The following CORO6 variants were observed in gnomAD, a reference collection of about 807,000 sequenced individuals.
CORO6 encodes coronin-6.
In CORO6, 43 loss-of-function variants were observed where a neutral mutation model predicts 49.0. The observed-to-expected ratio is 0.88, with a 90% CI of 0.69 to 1.13. CORO6 has a LOEUF of 1.13. CORO6 is among the 50% of genes most tolerant of loss of function. The pLI is 0.00. For synonymous variants in CORO6, 233 were observed against 256.5 expected (o/e 0.91, Z 0.88); for missense variants, 650 against 647.0 (o/e 1.00, Z -0.05).
chr17:29,619,804 A>G (rs1405544903), intron 2 of CORO6, 31 bp from the exon 3 acceptor site: 2 of 1,592,260 alleles, frequency 1.3e-6, no homozygotes, highest in African/African-American at 2.7e-5. Context: ...ATGTGGGGCT[A>G]CTCTCCTGTG....
chr17:29,619,618 T>C, intron 3 of CORO6, 33 bp downstream of exon 3: 1 of 1,608,602 alleles, frequency 6.2e-7, no homozygotes, highest in Non-Finnish European at 8.5e-7. Flanking sequence ...GCTCCCCTGC[T>C]CAACTGCCCA....
intron 5 of CORO6, chr17:29,618,376 ACAAGGAGAAAGGG>A: frequency 1.3e-5 from 17 of 1,284,936 alleles, no homozygotes; most frequent in Non-Finnish European, 1.7e-5. Flanking sequence ...CAGCGGGTCC[ACAAGGAGAAAGGG>A]CCAGCCCTCG....
chr17:29,617,147 C>A, intron 6 of CORO6, 105 bp from the exon 7 acceptor site: 3 of 1,572,328 alleles, frequency 1.9e-6, no homozygotes, highest in Admixed American at 3.6e-5. Context: ...AACCCTATGC[C>A]CCAAACCTCT....
In CORO6 at chr17:29,621,245, G is replaced by C; in HGVS notation, c.177C>G (p.Phe59Leu). The stretch of plus-strand genomic sequence containing the variant: ...TCACCTTGGCCAGAGGCAGGACGAT[G>C]AAGGCACCCCCGCCTCCAGCCTCCA... ...IIVEAGGGGAFIVLPLAKTGR... is the reference protein window; with the variant it reads ...IIVEAGGGGALIVLPLAKTGR... Residue 59 changes from phenylalanine to leucine, a missense_variant, in exon 2 of 11, where the codon TTC becomes TTG. By Grantham distance (22) the Phe-to-Leu change is conservative. Coordinates refer to ENST00000388767, the MANE Select transcript of CORO6 (RefSeq NM_032854.4). This position sits in a 1 kb window ranked among gnomAD's most constrained non-coding sequence, Gnocchi z 4.2. 1.9e-6 allele frequency: 3 copies of C among 1,614,128 alleles called. No homozygotes were observed. Among genetic ancestry groups the C allele is most frequent in the Non-Finnish European group, 2.5e-6 (3 of 1,180,050 alleles).
In CORO6 at chr17:29,615,657, G is replaced by T; in HGVS notation, c.*75C>A. The stretch of plus-strand genomic sequence containing the variant: ...GGCCCAGCCCAAGAAGGCGGGGTCC[G>T]GAGTTCGGGACTAAAAGCCGGGGCG... On this transcript the variant is annotated 3_prime_UTR_variant, in exon 11 of 11. Coordinates refer to ENST00000388767, the MANE Select transcript of CORO6 (RefSeq NM_032854.4). 2 of 1,403,884 alleles carry T rather than the reference G, an allele frequency of 1.4e-6. No homozygotes were observed. The highest frequency in any genetic ancestry group is 1.9e-6 in the Non-Finnish European group (2 of 1,075,250). 87.0% of individuals were successfully genotyped at this position (1,403,884 alleles called of 1,614,324 possible). A position where few individuals can be genotyped will look rare whatever the true frequency, so the allele number is the denominator to read the frequency against.
chr17:29,616,577 G>A lies in CORO6; in HGVS notation c.1004+125C>T. ...GCGGTGGGTCTGGCACTGAAACAGA[G>A]CTGTCTTATCCCCCCGCCCCGCTTT... On this transcript the variant is annotated intron_variant, in intron 8 of 10. Transcript: ENST00000388767. The surrounding 1 kb of genome is among the most constrained non-coding windows in gnomAD (Gnocchi z 5.6). 7.7e-7 allele frequency: 1 copy of A among 1,295,042 alleles called. No individual in the cohort carries two copies. The highest frequency in any genetic ancestry group is 1.4e-5 in the South Asian group (1 of 74,024). The allele number at this position is 1,295,042 out of a possible 1,614,324, so 80.2% of individuals were successfully genotyped here. A position where few individuals can be genotyped will look rare whatever the true frequency, so the allele number is the denominator to read the frequency against.
In CORO6 at chr17:29,619,177, G is replaced by C. The variant is rs1169484262; in HGVS notation, c.334C>G (p.Pro112Ala). ...ATGTTGCGCATGGGGGTATAGTCTG[G>C]AATCTGCCACACCTGGGTAGGAAGA... Reference protein sequence around the residue: ...DDTTIMVWQIPDYTPMRNITE... With the variant: ...DDTTIMVWQIADYTPMRNITE... Residue 112 changes from proline (P) to alanine (A), a missense_variant, in exon 4 of 11, where the codon CCA becomes GCA. By Grantham distance (27) the Pro-to-Ala change is conservative. Transcript: ENST00000388767. 6.2e-7 allele frequency: 1 copy of C among 1,613,622 alleles called. No individual in the cohort carries two copies. Among genetic ancestry groups the C allele is most frequent in the Non-Finnish European group, 8.5e-7 (1 of 1,179,922 alleles).
intron 2 of CORO6, among the ~76,000 whole-genome samples, chr17:29,620,257 A>T (rs1473478942): frequency 6.6e-6 from 1 of 152,234 alleles, no homozygotes; most frequent in Non-Finnish European, 1.5e-5. Flanking sequence ...CCTGGTGCCT[A>T]CTATCCCCAA....
chr17:29,618,241 G>C (rs2035106846), intron 5 of CORO6: 6 of 1,313,036 alleles, frequency 4.6e-6, no homozygotes, highest in Non-Finnish European at 5.8e-6. Flanking sequence ...GCTCCACGCA[G>C]ACATGCACGC....
chr17:29,621,480 G>C lies in CORO6; in HGVS notation c.-59C>G. ...AGAAATGCCTTTGGTCCTTAGTCCT[G>C]TGAGCTGCGGGAGGGAGGAGGAGTG... On this transcript the variant is annotated 5_prime_UTR_variant, in exon 2 of 11. Coordinates refer to ENST00000388767, the MANE Select transcript of CORO6 (RefSeq NM_032854.4). The surrounding 1 kb of genome is among the most constrained non-coding windows in gnomAD (Gnocchi z 4.2). The C allele has an allele frequency of 1.3e-6, 2 of 1,549,136 alleles. No homozygotes were observed. The highest frequency in any genetic ancestry group is 1.4e-5 in the African/African-American group (1 of 73,242).
intron 2 of CORO6, 114 bp from the exon 3 acceptor site, chr17:29,619,887 C>A (rs2035220208): frequency 1.1e-6 from 1 of 909,030 alleles, no homozygotes; most frequent in African/African-American, 1.6e-5. Flanking sequence ...TTTGCAGATC[C>A]CTCTCTGCAC....
chr17:29,619,905 C>A, intron 2 of CORO6, 132 bp from the exon 3 acceptor site: 1 of 724,554 alleles, frequency 1.4e-6, no homozygotes, highest in Non-Finnish European at 2.3e-6. Flanking sequence ...CACTTCTAAC[C>A]CCATCCAGTC....
rs560730542 is a variant in CORO6 at position 29,617,908 on chromosome 17, C to T, written c.634-289G>A. On this transcript the variant is annotated intron_variant, in intron 5 of 10. Coordinates refer to ENST00000388767, the MANE Select transcript of CORO6 (RefSeq NM_032854.4). ...AGAGCAGGGGTGTCTGCTGGCTCCC[C>T]GGAGTCGCAGCGAGGCTTTTCCCGA... is the stretch of plus-strand genomic sequence containing the variant. The T allele has an allele frequency of 2.1e-4, 164 of 781,196 alleles. No homozygotes were observed. The African/African-American group carries it at 2.8e-3, about 13-fold the overall frequency. 48.4% of individuals were successfully genotyped at this position (781,196 alleles called of 1,614,324 possible).
Position 29,621,599 on chromosome 17 carries a change from G to T in CORO6, c.-63-115C>A. 2 of 1,139,676 alleles carry T rather than the reference G, an allele frequency of 1.8e-6. No individual in the cohort carries two copies. Among genetic ancestry groups the T allele is most frequent in the South Asian group, 1.6e-5 (1 of 62,092 alleles). The allele number at this position is 1,139,676 out of a possible 1,614,324, so 70.6% of individuals were successfully genotyped here. ...AGAAGCAGGGAGCTTTCTTCAAGGTGGTCAAAGTATGGGAAAGTTATTTTG... is the reference window on the plus strand; with the variant it reads ...AGAAGCAGGGAGCTTTCTTCAAGGTTGTCAAAGTATGGGAAAGTTATTTTG... On this transcript the variant is annotated intron_variant, in intron 1 of 10. Coordinates refer to ENST00000388767, the MANE Select transcript of CORO6 (RefSeq NM_032854.4). The surrounding 1 kb of genome is among the most constrained non-coding windows in gnomAD (Gnocchi z 4.2).
At chr17:29,618,150 G>T (rs947988663) in intron 5 of CORO6, 11 of 1,393,752 alleles carry the variant, frequency 7.9e-6, no homozygotes, top group African/African-American at 1.5e-5. Flanking sequence ...GGGCGCCCTC[G>T]TGAGGCCGGG....
rs750651459 is a variant in CORO6 at position 29,616,140 on chromosome 17, C to G, written c.1098G>C (p.Thr366=). ...DLFQDDLYPD[T]PGPEPALEAD... ...CTTCTAGGGCCGGCTCCGGGCCTGGCGTATCCGGGTACAGATCGTCCTGGA... is the reference window on the plus strand; with the variant it reads ...CTTCTAGGGCCGGCTCCGGGCCTGGGGTATCCGGGTACAGATCGTCCTGGA... Residue 366 remains threonine (T), a synonymous_variant, in exon 10 of 11, where the codon ACG becomes ACC. Transcript: ENST00000388767. This position sits in a 1 kb window ranked among gnomAD's most constrained non-coding sequence, Gnocchi z 5.6. 2 of 1,613,478 alleles carry G rather than the reference C, an allele frequency of 1.2e-6. No homozygotes were observed. Among genetic ancestry groups the G allele is most frequent in the Non-Finnish European group, 1.7e-6 (2 of 1,179,972 alleles).
At chr17:29,617,431 G>A (rs1567806362) in intron 6 of CORO6, 69 bp downstream of exon 6, 2 of 1,555,206 alleles carry the variant, frequency 1.3e-6, no homozygotes, top group Admixed American at 3.6e-5. Flanking sequence ...CTGCGGGTGG[G>A]GGGCGCCTGG....
intron 6 of CORO6, 164 bp from the exon 7 acceptor site, chr17:29,617,206 C>T (rs1426053394): frequency 3.4e-5 from 52 of 1,538,230 alleles, no homozygotes; most frequent in Non-Finnish European, 4.4e-5. Context: ...CTCCTCCTCC[C>T]CTGCGCACAT....
rs1400138721 is a variant in CORO6, at chr17:29,615,669, T to TA, written c.*62dup. 1.3e-5 allele frequency: 18 copies of TA among 1,429,202 alleles called. No homozygotes were observed. Among genetic ancestry groups the TA allele is most frequent in the Non-Finnish European group, 1.6e-5 (17 of 1,094,600 alleles). 88.5% of individuals were successfully genotyped at this position (1,429,202 alleles called of 1,614,324 possible). A position where few individuals can be genotyped will look rare whatever the true frequency, so the allele number is the denominator to read the frequency against. ...GAAGGCGGGGTCCGGAGTTCGGGAC[T>TA]AAAAGCCGGGGCGGGGCCGAGCTTG... On this transcript the variant is annotated 3_prime_UTR_variant, in exon 11 of 11. Transcript: ENST00000388767.
Sources: allele counts gnomAD v4.1 joint callset (sites outside exome capture counted in the v4.1 genomes callset), GRCh38; gene constraint gnomAD v4.1.1; non-coding constraint Gnocchi (gnomAD v3.1); transcripts MANE v1.5; gene names NCBI Gene and HGNC (gene_info 2026-07-23, HGNC 2026-07-21).